Variants in AIG1 observed in about 807,000 individuals in gnomAD.
The protein encoded by AIG1 is androgen-induced gene 1 protein.
AIG1 carries 23 observed loss-of-function variants against 31.4 expected under a neutral mutation model. The ratio of observed to expected loss-of-function variants is 0.73; its 90% confidence interval spans 0.53 to 1.04. AIG1 has a LOEUF of 1.04. AIG1 is among the 50% of genes least tolerant of loss of function. The pLI is 0.00. For missense variants in AIG1, 274 were observed against 295.0 expected (o/e 0.93, Z 0.52); for synonymous variants, 100 against 110.5 (o/e 0.90, Z 0.60).
chr6:143,164,121 T>C (rs1786688477), intron 2 of AIG1, among the ~76,000 whole-genome samples: 2 of 152,222 alleles, frequency 1.3e-5, no homozygotes, highest in South Asian at 2.1e-4. Context: ...GAATGAGATA[T>C]AAAATGAAGT....
At chr6:143,146,569 C>T (rs1784733878) in intron 2 of AIG1, among the ~76,000 whole-genome samples, 1 of 151,676 alleles carries the variant, frequency 6.6e-6, no homozygotes, top group Admixed American at 6.6e-5. Flanking sequence ...CTACCTTTCT[C>T]CTTTCACCTC....
At position 143,245,780 on chromosome 6, in the gene AIG1, C is replaced by A. The variant is rs1394118515; in HGVS notation, c.400-38330C>A. Among the ~76,000 whole-genome samples, 3 of 152,270 alleles carry A rather than the reference C, an allele frequency of 2.0e-5. No individual in the cohort carries two copies. The East Asian group carries it at 5.8e-4, about 29-fold the overall frequency. On this transcript the variant is annotated intron_variant, in intron 3 of 5. Transcript: ENST00000357847. The stretch of plus-strand genomic sequence containing the variant: ...GGAGCCTGCAAACATCATCTGTAAT[C>A]CTTACAGCAACGCATAGTTGGTGAA...
In AIG1 at chr6:143,258,085, G is replaced by A. The variant is rs1795491743; in HGVS notation, c.400-26025G>A. Reference sequence around the variant, plus strand: ...ACCTGATGCCCAGAGTCCTCCAATTGAATCCATGGTATCAACAGTATTTGA... The same window carrying A: ...ACCTGATGCCCAGAGTCCTCCAATTAAATCCATGGTATCAACAGTATTTGA... On this transcript the variant is annotated intron_variant, in intron 3 of 5. Transcript: ENST00000357847. This position sits in a 1 kb window ranked among gnomAD's most constrained non-coding sequence, Gnocchi z 4.7. 6.6e-6 allele frequency among the ~76,000 whole-genome samples: 1 copy of A among 152,256 alleles called. No individual in the cohort carries two copies.
At chr6:143,221,217 G>A (rs756444574) in intron 3 of AIG1, among the ~76,000 whole-genome samples, 1 of 152,084 alleles carries the variant, frequency 6.6e-6, no homozygotes, top group Non-Finnish European at 1.5e-5. Flanking sequence ...TGAGTAATTC[G>A]TTTTGTCTAT....
rs971868604 is a variant in AIG1, at chr6:143,219,168, A to G, written c.399+53985A>G. Among the ~76,000 whole-genome samples, 3 of 152,252 alleles carry G rather than the reference A, an allele frequency of 2.0e-5. No individual in the cohort carries two copies. In the East Asian group the frequency reaches 5.8e-4, roughly 29 times the overall value. On this transcript the variant is annotated intron_variant, in intron 3 of 5. Coordinates refer to ENST00000357847, the MANE Select transcript of AIG1 (RefSeq NM_016108.4). The stretch of plus-strand genomic sequence containing the variant: ...GAAGAGTAGCAAATGCCATATCTGT[A>G]AAGATCAGAATAAGTGTTCTAATGT...
intron 4 of AIG1, among the ~76,000 whole-genome samples, chr6:143,289,936 G>T (rs1797940961): frequency 6.6e-6 from 1 of 152,002 alleles, no homozygotes; most frequent in African/African-American, 2.4e-5. Flanking sequence ...AACAAATCTG[G>T]CCGACACGTG....
At chr6:143,165,046 A>G in intron 2 of AIG1, 36 bp from the exon 3 acceptor site, 1 of 1,468,820 alleles carries the variant, frequency 6.8e-7, no homozygotes, top group Non-Finnish European at 9.5e-7. Context: ...TGGATAGTCG[A>G]TGAACTTGAA....
At chr6:143,124,052 G>A (rs1782456463) in intron 1 of AIG1, among the ~76,000 whole-genome samples, 1 of 152,170 alleles carries the variant, frequency 6.6e-6, no homozygotes, top group Non-Finnish European at 1.5e-5. Context: ...TTCATAAGAA[G>A]AACTGAAATA....
intron 3 of AIG1, among the ~76,000 whole-genome samples, chr6:143,193,212 G>A (rs1241415381): frequency 6.6e-6 from 1 of 152,140 alleles, no homozygotes; most frequent in African/African-American, 2.4e-5. Flanking sequence ...AAGCCATATT[G>A]CCTCACCTGA....
rs1797590800 is a variant in AIG1 at position 143,284,988 on chromosome 6, C to A, written c.515+763C>A. 6.6e-6 allele frequency among the ~76,000 whole-genome samples: 1 copy of A among 152,090 alleles called. No homozygotes were observed. On this transcript the variant is annotated intron_variant, in intron 4 of 5. Coordinates refer to ENST00000357847, the MANE Select transcript of AIG1 (RefSeq NM_016108.4). The surrounding 1 kb of genome is among the most constrained non-coding windows in gnomAD (Gnocchi z 4.4). ...CACGCACAGAGGAGGTCCCTCCTGCCAGCATTTCTGCCTCTTGGGACTCTT... is the reference window on the plus strand; with the variant it reads ...CACGCACAGAGGAGGTCCCTCCTGCAAGCATTTCTGCCTCTTGGGACTCTT...
intron 3 of AIG1, among the ~76,000 whole-genome samples, chr6:143,222,571 C>T (rs1425347931): frequency 6.6e-6 from 1 of 152,110 alleles, no homozygotes; most frequent in African/African-American, 2.4e-5. Flanking sequence ...CCTTAGTTTT[C>T]GCAGTTGACA....
chr6:143,244,170 GA>G (rs1180102057), intron 3 of AIG1, among the ~76,000 whole-genome samples: 1 of 152,226 alleles, frequency 6.6e-6, no homozygotes, highest in Admixed American at 6.5e-5. Flanking sequence ...CTGGAAGACA[GA>G]AGGAGGAATA....
downstream of AIG1, chr6:143,343,272 T>C (rs969538334): frequency 1.6e-6 from 1 of 643,150 alleles, no homozygotes; most frequent in East Asian, 3.6e-5. Context: ...CTTTGGAATA[T>C]GGTATGTTAC....
intron 4 of AIG1, among the ~76,000 whole-genome samples, chr6:143,286,685 G>A (rs181247560): frequency 6.6e-6 from 1 of 152,136 alleles, no homozygotes; most frequent in African/African-American, 2.4e-5. Flanking sequence ...CCCATGCCAA[G>A]ATGAAAGAAA....
intron 4 of AIG1, among the ~76,000 whole-genome samples, chr6:143,316,907 A>G (rs1775795040): frequency 6.6e-6 from 1 of 152,138 alleles, no homozygotes; most frequent in African/African-American, 2.4e-5. Context: ...GAAAACCTAG[A>G]GGAGATGAAT....
At chr6:143,223,830 T>A (rs890359951) in intron 3 of AIG1, among the ~76,000 whole-genome samples, 2 of 152,264 alleles carry the variant, frequency 1.3e-5, no homozygotes, top group Non-Finnish European at 2.9e-5. Context: ...AACTATTTTT[T>A]ATAAATAAAT....
chr6:143,094,036 C>G (rs1779536086), intron 1 of AIG1: 1 of 152,162 alleles, frequency 6.6e-6, no homozygotes, highest in Admixed American at 6.5e-5. Context: ...TAAGCATATG[C>G]TGTTGGAAAA....
chr6:143,162,295 A>G (rs1396908271), intron 2 of AIG1, among the ~76,000 whole-genome samples: 2 of 152,204 alleles, frequency 1.3e-5, no homozygotes, highest in Admixed American at 1.3e-4. Flanking sequence ...GATACAAATG[A>G]TCTTCATGGA....
downstream of AIG1, chr6:143,342,319 G>T (rs1777874455): frequency 3.0e-6 from 2 of 676,470 alleles, no homozygotes; most frequent in South Asian, 1.5e-5. Context: ...CGCAGCAGCA[G>T]CTGCGAGGAG....
Sources: gnomAD v4.1 joint callset for allele counts (sites outside exome capture counted in the v4.1 genomes callset) on GRCh38, gnomAD v4.1.1 for gene constraint, Gnocchi (gnomAD v3.1) non-coding constraint, MANE v1.5 for transcripts, NCBI Gene and HGNC (gene_info 2026-07-23, HGNC 2026-07-21) for gene names.